TRIM37: variants seen among roughly 807,000 people sequenced by gnomAD.
TRIM37 encodes E3 ubiquitin-protein ligase TRIM37.
Under a neutral mutation model 129.8 loss-of-function variants are expected in TRIM37, and 80 were observed. That is an observed-to-expected ratio of 0.62 (90% confidence interval 0.51 to 0.74). The LOEUF (loss-of-function observed/expected upper bound fraction) is 0.74. Among genes scored for constraint, TRIM37 ranks in the 30% least tolerant of loss-of-function variants. The pLI is 0.00. For synonymous variants in TRIM37, 389 were observed against 387.1 expected (o/e 1.00, Z -0.06); for missense variants, 1,054 against 1,176.5 (o/e 0.90, Z 1.52).
chr17:59,001,793 A>G, intron 22 of TRIM37, 79 bp from the exon 23 acceptor site: 1 of 1,561,458 alleles, frequency 6.4e-7, no homozygotes, highest in Admixed American at 1.8e-5. Flanking sequence ...CGTATCTGCT[A>G]AACTGAGATT....
downstream of TRIM37, among the ~76,000 whole-genome samples, chr17:58,996,686 T>C (rs1474358020): frequency 6.6e-6 from 1 of 151,300 alleles, no homozygotes; most frequent in African/African-American, 2.4e-5. Context: ...GGAGGATCAC[T>C]TGAGCCTGGG....
intron 15 of TRIM37, 79 bp from the exon 16 acceptor site, chr17:59,047,898 A>AAGC: frequency 6.5e-7 from 1 of 1,532,642 alleles, no homozygotes; most frequent in Admixed American, 1.7e-5. Flanking sequence ...CCCATAAACC[A>AAGC]AGCACCAAAG....
intron 24 of TRIM37, among the ~76,000 whole-genome samples, chr17:58,992,445 A>G (rs952492383): frequency 3.3e-5 from 5 of 151,560 alleles, no homozygotes; most frequent in African/African-American, 1.2e-4. Context: ...CGATGGCACA[A>G]TCTTGGTTCA....
chr17:59,015,917 T>TG (rs2035875205), intron 20 of TRIM37, 118 bp from the exon 21 acceptor site: 18 of 889,144 alleles, frequency 2.0e-5, no homozygotes, highest in Non-Finnish European at 3.0e-5. Flanking sequence ...AGGCGGAGGT[T>TG]GCAGTGAGCT....
chr17:59,024,136 C>T (rs552258372), intron 19 of TRIM37, among the ~76,000 whole-genome samples: 1 of 148,682 alleles, frequency 6.7e-6, no homozygotes, highest in East Asian at 2.0e-4. Flanking sequence ...ATCACTTGAA[C>T]CCAGGAGGGG....
intron 24 of TRIM37, among the ~76,000 whole-genome samples, chr17:58,988,396 T>A (rs904567901): frequency 6.6e-6 from 1 of 151,988 alleles, no homozygotes; most frequent in Non-Finnish European, 1.5e-5. Context: ...AAAAGCACCC[T>A]ATGAGGGAAA....
chr17:59,018,623 G>C (rs2036221039), intron 19 of TRIM37, among the ~76,000 whole-genome samples: 1 of 151,948 alleles, frequency 6.6e-6, no homozygotes, highest in East Asian at 1.9e-4. Flanking sequence ...AAGACATCCT[G>C]TGTTCATCAC....
chr17:58,973,148 T>C, the TRIM37 span, among the ~76,000 whole-genome samples: 1 of 152,234 alleles, frequency 6.6e-6, no homozygotes, highest in Non-Finnish European at 1.5e-5. Context: ...CCAGGCTCAG[T>C]GGCTCATGCC....
At chr17:59,051,106 CAAATTACA>C in intron 14 of TRIM37, 100 bp downstream of exon 14, 1 of 787,684 alleles carries the variant, frequency 1.3e-6, no homozygotes, top group East Asian at 2.7e-5. Context: ...TTTCTAATTA[CAAATTACA>C]AAATTACAAA....
chr17:59,002,750 G>A (rs138996434), intron 22 of TRIM37, among the ~76,000 whole-genome samples: 70 of 152,314 alleles, frequency 4.6e-4, no homozygotes, highest in African/African-American at 1.7e-3. Context: ...ACTTTCATTA[G>A]TGGGTCAGGG....
At chr17:59,099,728 C>T (rs1403523096) in intron 2 of TRIM37, among the ~76,000 whole-genome samples, 2 of 152,176 alleles carry the variant, frequency 1.3e-5, no homozygotes, top group East Asian at 3.8e-4. Flanking sequence ...ACCGAACACA[C>T]CAACTGTTAG....
In TRIM37 at chr17:59,041,836, T is replaced by A; in HGVS notation, c.1730A>T (p.Asp577Val). 2.5e-6 allele frequency: 4 copies of A among 1,613,994 alleles called. 1 individual carries two copies. The South Asian group carries it at 4.4e-5, about 18-fold the overall frequency. Residue 577 changes from aspartate (D) to valine (V), a missense_variant, in exon 17 of 24, where the codon GAT becomes GTT. Around this residue, in one of 3 missense-constraint regions of TRIM37, gnomAD observed 752 missense variants for 870.8 expected, o/e 0.86. Transcript: ENST00000262294. ...ACCTGCGGGTCCTGCAGCAGCTGCA[T>A]CTTCCATGAGTTCTCCCTCTTCTAA... ...MELEEGELME[D>V]AAAAGPAGSS...
chr17:59,061,091 C>T lies in TRIM37; in HGVS notation c.960G>A (p.Val320=), dbSNP rs1207079139. The change falls in exon 12 of 24, where the codon GTG becomes GTA. Residue 320 remains valine (V), a synonymous_variant. Coordinates refer to ENST00000262294, the MANE Select transcript of TRIM37 (RefSeq NM_015294.6). ...GAAACACAGATAAGTAGTAACCTCGCACAACTCCATTTCCATCCTAAAAGA... is the reference window on the plus strand; with the variant it reads ...GAAACACAGATAAGTAGTAACCTCGTACAACTCCATTTCCATCCTAAAAGA... ...LKVYPDGNGV[V]RGYYLSVFLE... 1 of 1,613,498 alleles carries T rather than the reference C, an allele frequency of 6.2e-7. No homozygotes were observed. Among genetic ancestry groups the T allele is most frequent in the Admixed American group, 1.7e-5 (1 of 59,988 alleles).
intron 12 of TRIM37, among the ~76,000 whole-genome samples, chr17:59,060,228 A>C (rs191974607): frequency 6.6e-6 from 1 of 152,270 alleles, no homozygotes; most frequent in Non-Finnish European, 1.5e-5. Context: ...CAAGGCTGTA[A>C]GCTGGAGAAA....
At chr17:59,031,524 G>C (rs1217249822) in intron 18 of TRIM37, among the ~76,000 whole-genome samples, 1 of 152,232 alleles carries the variant, frequency 6.6e-6, no homozygotes. Flanking sequence ...GAATGAGTAA[G>C]TCACCTTTTT....
At chr17:59,088,084 G>A in intron 4 of TRIM37, 1 of 613,068 alleles carries the variant, frequency 1.6e-6, no homozygotes, top group Non-Finnish European at 2.9e-6. Context: ...AGGTATCTGT[G>A]TATACATGGC....
intron 9 of TRIM37, among the ~76,000 whole-genome samples, chr17:59,070,371 T>C (rs921497722): frequency 1.9e-4 from 29 of 152,192 alleles, no homozygotes; most frequent in African/African-American, 6.0e-4. Context: ...TATAGTTCAA[T>C]TCAAAAGGTA....
intron 19 of TRIM37, among the ~76,000 whole-genome samples, chr17:59,023,586 C>T (rs997713919): frequency 2.0e-5 from 3 of 151,792 alleles, no homozygotes; most frequent in African/African-American, 7.2e-5. Flanking sequence ...ACCCAGGAGG[C>T]GGAGCTTGCA....
intron 4 of TRIM37, 59 bp from the exon 5 acceptor site, chr17:59,084,148 C>G: frequency 1.5e-6 from 2 of 1,362,698 alleles, no homozygotes; most frequent in Non-Finnish European, 2.1e-6. Context: ...ATCACCTCCA[C>G]AAATTCTTAA....
Sources: gnomAD v4.1 joint callset for allele counts (sites outside exome capture counted in the v4.1 genomes callset) on GRCh38, gnomAD v4.1.1 for gene constraint, gnomAD v4.1.1 regional missense constraint, MANE v1.5 for transcripts, NCBI Gene and HGNC (gene_info 2026-07-23, HGNC 2026-07-21) for gene names.